TNRC6A: variants seen among roughly 807,000 people sequenced by gnomAD.
The protein encoded by TNRC6A is trinucleotide repeat containing adaptor 6A.
In TNRC6A, 44 loss-of-function variants were observed where a neutral mutation model predicts 221.2. The ratio of observed to expected loss-of-function variants is 0.20; its 90% CI spans 0.16 to 0.26. The LOEUF (loss-of-function observed/expected upper bound fraction) is 0.26. Ranked by LOEUF, TNRC6A falls within the 10% of genes least tolerant of loss-of-function variation. The pLI, the probability that TNRC6A is intolerant of heterozygous loss-of-function variation, is 1.00. For synonymous variants in TNRC6A, 847 were observed against 838.5 expected (o/e 1.01, Z -0.18); for missense variants, 2,199 against 2,404.4 (o/e 0.91, Z 1.79).
intron 17 of TNRC6A, among the ~76,000 whole-genome samples, chr16:24,807,099 G>A (rs918106617): frequency 7.3e-5 from 11 of 151,676 alleles, no homozygotes; most frequent in African/African-American, 2.2e-4. Context: ...TCTGCCTCCC[G>A]GGTTCAAGCG....
intron 2 of TNRC6A, among the ~76,000 whole-genome samples, chr16:24,696,592 G>A (rs4788424): frequency 0.19 from 29,140 of 150,912 alleles, 3,115 homozygotes; most frequent in South Asian, 0.27. Context: ...TTAGCCACGC[G>A]TGGTGGCTCG....
intron 2 of TNRC6A, among the ~76,000 whole-genome samples, chr16:24,718,488 G>A (rs149727809): frequency 2.0e-5 from 3 of 152,230 alleles, no homozygotes; most frequent in Admixed American, 1.3e-4. Context: ...GAAATAACAT[G>A]TTCAAGTCAT....
intron 3 of TNRC6A, among the ~76,000 whole-genome samples, chr16:24,751,493 T>C (rs1488633248): frequency 6.6e-6 from 1 of 152,164 alleles, no homozygotes; most frequent in Non-Finnish European, 1.5e-5. Flanking sequence ...AAATCTGTAA[T>C]TATTAAAAAT....
At chr16:24,731,186 G>C (rs1027479969) in intron 2 of TNRC6A, among the ~76,000 whole-genome samples, 1 of 151,924 alleles carries the variant, frequency 6.6e-6, no homozygotes, top group East Asian at 1.9e-4. Flanking sequence ...CCAAATCCGT[G>C]AATAGCTTTC....
chr16:24,766,743 C>T (rs2057481974), intron 4 of TNRC6A, among the ~76,000 whole-genome samples: 1 of 141,526 alleles, frequency 7.1e-6, no homozygotes, highest in Non-Finnish European at 1.5e-5. Context: ...ATGGCGCGAT[C>T]TCAGCTCACT....
chr16:24,767,309 A>G (rs2057495406), intron 4 of TNRC6A, among the ~76,000 whole-genome samples: 1 of 152,218 alleles, frequency 6.6e-6, no homozygotes, highest in East Asian at 1.9e-4. Context: ...CTTCAGTCCT[A>G]AACTCTAGTG....
intron 4 of TNRC6A, among the ~76,000 whole-genome samples, chr16:24,770,458 C>T (rs773678980): frequency 3.9e-5 from 6 of 152,012 alleles, no homozygotes; most frequent in Non-Finnish European, 8.8e-5. Flanking sequence ...TGTTGAGGGC[C>T]TAAATCAAAG....
chr16:24,671,436 T>C (rs1179355056), intron 2 of TNRC6A, among the ~76,000 whole-genome samples: 1 of 152,096 alleles, frequency 6.6e-6, no homozygotes, highest in Non-Finnish European at 1.5e-5. Context: ...CTGGTGGTGA[T>C]GAGGTGGAGG....
chr16:24,636,074 C>T (rs1346738279), intron 1 of TNRC6A, among the ~76,000 whole-genome samples: 2 of 152,194 alleles, frequency 1.3e-5, no homozygotes, highest in East Asian at 3.8e-4. Context: ...GGCAGGGTGC[C>T]AGCAAAAGCC....
At chr16:24,668,253 A>AGGAGGT (rs1471430089) in intron 2 of TNRC6A, among the ~76,000 whole-genome samples, 2 of 152,010 alleles carry the variant, frequency 1.3e-5, no homozygotes, top group Non-Finnish European at 2.9e-5. Context: ...GATTGAACCC[A>AGGAGGT]GGAGGTGGAG....
intron 2 of TNRC6A, chr16:24,662,793 A>T (rs1567335028): frequency 6.5e-6 from 1 of 153,754 alleles, no homozygotes. Context: ...ATGGTTCTTC[A>T]ATTCTGGCAA....
chr16:24,645,316 G>A (rs1362084684), intron 2 of TNRC6A, among the ~76,000 whole-genome samples: 1 of 152,000 alleles, frequency 6.6e-6, no homozygotes, highest in African/African-American at 2.4e-5. Context: ...GACCAGCCTG[G>A]CCAACATGGT....
intron 2 of TNRC6A, among the ~76,000 whole-genome samples, chr16:24,683,451 C>A (rs890494982): frequency 1.3e-5 from 2 of 152,168 alleles, no homozygotes; most frequent in African/African-American, 4.8e-5. Flanking sequence ...TCCCACTTGG[C>A]CTCCCAAAGT....
chr16:24,730,344 A>G lies in TNRC6A; in HGVS notation c.53+44A>G, dbSNP rs765754101. ...CCGTCTCCCGCCCCACGATAATCGT[A>G]TATTTCTACTCCGATTCGCCTTTTC... On this transcript the variant is annotated intron_variant, in intron 2 of 24. Coordinates refer to ENST00000395799, the MANE Select transcript of TNRC6A (RefSeq NM_014494.4). 2.3e-5 allele frequency: 36 copies of G among 1,596,726 alleles called. 1 individual carries two copies. In the Admixed American group the frequency reaches 2.6e-4, roughly 12 times the overall value.
chr16:24,807,376 T>C (rs1052077653), intron 17 of TNRC6A, among the ~76,000 whole-genome samples: 1 of 152,216 alleles, frequency 6.6e-6, no homozygotes, highest in Non-Finnish European at 1.5e-5. Flanking sequence ...CATTTCACTT[T>C]TTAAAGGACT....
chr16:24,794,809 G>A, intron 8 of TNRC6A, 90 bp downstream of exon 8: 1 of 1,354,848 alleles, frequency 7.4e-7, no homozygotes, highest in Non-Finnish European at 1.0e-6. Context: ...CCCATTTCTG[G>A]CGGTCAGTAC....
chr16:24,683,799 C>T (rs1210973905), intron 2 of TNRC6A, among the ~76,000 whole-genome samples: 1 of 152,118 alleles, frequency 6.6e-6, no homozygotes, highest in African/African-American at 2.4e-5. Flanking sequence ...AGGAGAGTGC[C>T]CTGCACCTAG....
chr16:24,621,556 T>C (rs193141191), intron 1 of TNRC6A, among the ~76,000 whole-genome samples: 2 of 151,970 alleles, frequency 1.3e-5, no homozygotes, highest in Non-Finnish European at 2.9e-5. Context: ...CGGGGTTTCA[T>C]CGTGTTGTCC....
upstream of TNRC6A, among the ~76,000 whole-genome samples, chr16:24,728,489 T>C (rs1263606567): frequency 4.7e-5 from 7 of 150,200 alleles, no homozygotes; most frequent in East Asian, 5.8e-4. Flanking sequence ...AAAAAGCCAG[T>C]TGAAGAACTT....
Sources: allele counts gnomAD v4.1 joint callset (sites outside exome capture counted in the v4.1 genomes callset), GRCh38; gene constraint gnomAD v4.1.1; transcripts MANE v1.5; gene names NCBI Gene and HGNC (gene_info 2026-07-23, HGNC 2026-07-21).